The following PCDH15 variants were observed in gnomAD, a reference collection of about 807,000 sequenced individuals.
PCDH15 encodes the protein protocadherin related 15.
Under a neutral mutation model 178.5 loss-of-function variants are expected in PCDH15, and 129 were observed. The observed-to-expected ratio is 0.72, with a 90% CI of 0.63 to 0.84. The LOEUF is 0.84. PCDH15 is among the 40% of genes least tolerant of loss of function. The pLI, the probability that PCDH15 is intolerant of heterozygous loss-of-function variation, is 0.00. For missense variants in PCDH15, 2,230 were observed against 2,099.9 expected (o/e 1.06, Z -1.21); for synonymous variants, 800 against 732.0 (o/e 1.09, Z -1.50).
At chr10:54,909,613 T>TGG (rs1173409676) in intron 2 of PCDH15, among the ~76,000 whole-genome samples, 43 of 151,798 alleles carry the variant, frequency 2.8e-4, no homozygotes, top group African/African-American at 9.9e-4. Context: ...GCCCTCAGAG[T>TGG]GCAAAGATTC....
At chr10:55,530,800 A>T (rs983601950) in intron 2 of PCDH15, among the ~76,000 whole-genome samples, 22 of 152,006 alleles carry the variant, frequency 1.4e-4, no homozygotes, top group Admixed American at 1.4e-3. Context: ...TTCTATGCAT[A>T]GTAGAGGAAG....
rs1164041546 is a variant in PCDH15 at position 54,716,986 on chromosome 10, C to T, written c.-28-52696G>A. On this transcript the variant is annotated intron_variant, in intron 1 of 37. Coordinates refer to ENST00000644397, the MANE Select transcript of PCDH15 (RefSeq NM_001384140.1). ...CTACAACTATCTGATCTTTGACAAA[C>T]CTGAGAAGAACAAGCAATGGGGAAA... Among the ~76,000 whole-genome samples, 4 of 148,620 alleles carry T rather than the reference C, an allele frequency of 2.7e-5. 1 individual carries two copies. The highest frequency in any genetic ancestry group is 4.5e-5 in the Non-Finnish European group (3 of 67,276).
At chr10:54,361,386 G>C (rs998596389) in intron 5 of PCDH15, among the ~76,000 whole-genome samples, 3 of 152,050 alleles carry the variant, frequency 2.0e-5, no homozygotes, top group Non-Finnish European at 4.4e-5. Flanking sequence ...ATGATTGGAT[G>C]AAAGCAGAAA....
At position 53,822,408 on chromosome 10, in the gene PCDH15, G is replaced by C. The variant is rs745583797; in HGVS notation, c.4368-2178C>G. The C allele has an allele frequency of 5.8e-5, 91 of 1,576,698 alleles. No homozygotes were observed. The highest frequency in any genetic ancestry group is 5.1e-4 in the Middle Eastern group (3 of 5,886). ...GGGAGGAGGACAAAAAAGAGAAAAAGGAGAAATGTCAGGAGGAGGAGCAAG... is the reference window on the plus strand; with the variant it reads ...GGGAGGAGGACAAAAAAGAGAAAAACGAGAAATGTCAGGAGGAGGAGCAAG... On this transcript the variant is annotated intron_variant, in intron 32 of 37. Coordinates refer to ENST00000644397, the MANE Select transcript of PCDH15 (RefSeq NM_001384140.1).
At chr10:55,623,020 C>T (rs1253027849) in intron 2 of PCDH15, among the ~76,000 whole-genome samples, 2 of 152,122 alleles carry the variant, frequency 1.3e-5, no homozygotes, top group Non-Finnish European at 2.9e-5. Context: ...CCCTGGATTC[C>T]GCCTCCTGTT....
chr10:54,381,586 G>A (rs191117870), intron 3 of PCDH15, among the ~76,000 whole-genome samples: 8 of 152,128 alleles, frequency 5.3e-5, no homozygotes, highest in East Asian at 1.9e-4. Context: ...TGGGAGGCAC[G>A]ACACAACACT....
At chr10:55,238,511 G>C (rs1235777415) in intron 1 of PCDH15, among the ~76,000 whole-genome samples, 1 of 151,960 alleles carries the variant, frequency 6.6e-6, no homozygotes, top group Non-Finnish European at 1.5e-5. Flanking sequence ...AATTAGTTAA[G>C]AAAATAAAAC....
At chr10:54,460,125 G>T (rs2136439949) in intron 3 of PCDH15, among the ~76,000 whole-genome samples, 1 of 152,164 alleles carries the variant, frequency 6.6e-6, no homozygotes, top group South Asian at 2.1e-4. Flanking sequence ...TAAAACAGAA[G>T]AATAAATGGG....
In PCDH15 at chr10:54,998,930, C is replaced by T. The variant is rs547279049; in HGVS notation, c.-79-101430G>A. Among the ~76,000 whole-genome samples, 8 of 152,152 alleles carry T rather than the reference C, an allele frequency of 5.3e-5. No individual in the cohort carries two copies. In the East Asian group the frequency reaches 9.6e-4, roughly 18 times the overall value. Reference sequence around the variant, plus strand: ...ATGTCCTGGATAGCACTGTAGCCTCCGATGTAAACTGAGTAAGATAAAATG... The same window carrying T: ...ATGTCCTGGATAGCACTGTAGCCTCTGATGTAAACTGAGTAAGATAAAATG... On this transcript the variant is annotated intron_variant, in intron 2 of 5. Coordinates refer to the PCDH15 transcript ENST00000458638.
chr10:55,357,121 C>T (rs1411460684), intron 2 of PCDH15, among the ~76,000 whole-genome samples: 3 of 151,828 alleles, frequency 2.0e-5, no homozygotes, highest in African/African-American at 4.8e-5. Context: ...AATAAAAAAT[C>T]GCTGGGCAGT....
chr10:54,471,374 A>C lies in PCDH15; in HGVS notation c.157+56438T>G, dbSNP rs573106946. Among the ~76,000 whole-genome samples, 16 of 152,208 alleles carry C rather than the reference A, an allele frequency of 1.1e-4. 2 individuals are homozygous for C. The South Asian group carries it at 3.3e-3, about 32-fold the overall frequency. ...CTTGTGTTTTTTAACAGTCAGCTGTATTTTTTCTAAAAACGCTTCTCAGGC... is the reference window on the plus strand; with the variant it reads ...CTTGTGTTTTTTAACAGTCAGCTGTCTTTTTTCTAAAAACGCTTCTCAGGC... On this transcript the variant is annotated intron_variant, in intron 3 of 37. Transcript: ENST00000644397.
chr10:54,136,227 A>G (rs547937075), intron 14 of PCDH15, among the ~76,000 whole-genome samples: 1 of 152,264 alleles, frequency 6.6e-6, no homozygotes, highest in Admixed American at 6.5e-5. Flanking sequence ...ACAAATTTCC[A>G]AAGTTCTACT....
rs1251184771 is a variant in PCDH15, at chr10:54,183,581, C to T, written c.1453G>A (p.Asp485Asn). Residue 485 changes from aspartate (D) to asparagine (N), a missense_variant, in exon 13 of 38, where the codon GAT becomes AAT. Transcript: ENST00000644397. ...QTYTFSITAF[D>N]GVQESEPVIV... ...ACTGGCTCACTTTCTTGTACACCAT[C>T]AAATGCTGTTATCTTTGGGAGGAGA... 6.8e-6 allele frequency: 11 copies of T among 1,613,892 alleles called. No individual in the cohort carries two copies. Among genetic ancestry groups the T allele is most frequent in the African/African-American group, 1.3e-5 (1 of 75,014 alleles).
At chr10:55,529,367 T>C (rs1344465490) in intron 2 of PCDH15, among the ~76,000 whole-genome samples, 2 of 151,930 alleles carry the variant, frequency 1.3e-5, no homozygotes, top group Non-Finnish European at 2.9e-5. Context: ...TTAGGTCTAA[T>C]ATTTAAGTCT....
intron 1 of PCDH15, among the ~76,000 whole-genome samples, chr10:55,263,962 C>A (rs918606145): frequency 3.4e-5 from 5 of 148,734 alleles, no homozygotes; most frequent in Non-Finnish European, 5.9e-5. Context: ...TCTCGATCTC[C>A]GGACCTCGTG....
At chr10:54,416,408 G>A (rs1346006148) in intron 3 of PCDH15, among the ~76,000 whole-genome samples, 2 of 151,938 alleles carry the variant, frequency 1.3e-5, no homozygotes, top group African/African-American at 4.8e-5. Context: ...AGTTTGTTGG[G>A]CATGATATCT....
intron 21 of PCDH15, among the ~76,000 whole-genome samples, chr10:53,994,042 A>C (rs554164840): frequency 6.6e-6 from 1 of 152,356 alleles, no homozygotes; most frequent in African/African-American, 2.4e-5. Context: ...TATTTAAAAG[A>C]GCTTCAAAGT....
intron 6 of PCDH15, among the ~76,000 whole-genome samples, chr10:54,342,196 G>T (rs1942360354): frequency 6.6e-6 from 1 of 152,140 alleles, no homozygotes; most frequent in Non-Finnish European, 1.5e-5. Context: ...GCATTTTAGG[G>T]ATCTTCATGG....
At chr10:54,582,886 C>A (rs1469741265) in intron 2 of PCDH15, among the ~76,000 whole-genome samples, 1 of 151,594 alleles carries the variant, frequency 6.6e-6, no homozygotes, top group Non-Finnish European at 1.5e-5. Context: ...AACCTGTTTC[C>A]AAAAAAATAA....
Sources: gnomAD v4.1 joint callset for allele counts (sites outside exome capture counted in the v4.1 genomes callset) on GRCh38, gnomAD v4.1.1 for gene constraint, MANE v1.5 for transcripts, NCBI Gene and HGNC (gene_info 2026-07-23, HGNC 2026-07-21) for gene names.